CTNNA3: variants seen among roughly 807,000 people sequenced by gnomAD.
The protein encoded by CTNNA3 is catenin alpha-3.
CTNNA3 carries 76 observed loss-of-function variants against 95.7 expected under a neutral mutation model. The observed-to-expected ratio is 0.79, with a 90% CI of 0.66 to 0.96. CTNNA3 has a LOEUF of 0.96. CTNNA3 is among the 40% of genes least tolerant of loss of function. CTNNA3 has a pLI of 0.00. For synonymous variants in CTNNA3, 431 were observed against 374.4 expected (o/e 1.15, Z -1.74); for missense variants, 1,191 against 1,089.8 (o/e 1.09, Z -1.31).
chr10:67,479,913 C>T (rs544231691), intron 5 of CTNNA3, among the ~76,000 whole-genome samples: 2 of 152,194 alleles, frequency 1.3e-5, no homozygotes, highest in East Asian at 3.9e-4. Context: ...GACATTACTA[C>T]CAATCCCACA....
chr10:67,122,123 C>T (rs955128606), intron 7 of CTNNA3, among the ~76,000 whole-genome samples: 10 of 151,092 alleles, frequency 6.6e-5, no homozygotes, highest in African/African-American at 2.4e-4. Flanking sequence ...AATTAAGAGA[C>T]CAGGTAAGGG....
intron 9 of CTNNA3, among the ~76,000 whole-genome samples, chr10:66,664,373 A>T (rs563263467): frequency 2.0e-5 from 3 of 151,610 alleles, no homozygotes; most frequent in African/African-American, 7.3e-5. Flanking sequence ...TTTACCAACC[A>T]TAAAAGGAAT....
At chr10:66,491,235 A>C (rs1450579240) in intron 11 of CTNNA3, among the ~76,000 whole-genome samples, 1 of 152,190 alleles carries the variant, frequency 6.6e-6, no homozygotes, top group African/African-American at 2.4e-5. Context: ...TAGATCTTTT[A>C]GTCTCGGCCT....
chr10:66,685,534 G>A (rs1010923044), intron 9 of CTNNA3, among the ~76,000 whole-genome samples: 27 of 148,992 alleles, frequency 1.8e-4, no homozygotes, highest in African/African-American at 4.2e-4. Context: ...CACCACGCCC[G>A]GCTAACTTTT....
At chr10:67,092,300 G>A (rs75442175) in intron 7 of CTNNA3, among the ~76,000 whole-genome samples, 3 of 151,816 alleles carry the variant, frequency 2.0e-5, no homozygotes, top group Non-Finnish European at 2.9e-5. Flanking sequence ...TTCTCTCAAT[G>A]AGTAGAGATA....
chr10:67,577,323 G>A (rs1188652313), intron 3 of CTNNA3, among the ~76,000 whole-genome samples: 1 of 152,112 alleles, frequency 6.6e-6, no homozygotes, highest in Non-Finnish European at 1.5e-5. Flanking sequence ...CTGCATAAAT[G>A]TCTTCTTTTG....
intron 11 of CTNNA3, among the ~76,000 whole-genome samples, chr10:66,425,675 G>T (rs2093233618): frequency 6.7e-6 from 1 of 148,616 alleles, no homozygotes; most frequent in South Asian, 2.1e-4. Flanking sequence ...TTCATATAAA[G>T]ATATATATAT....
intron 13 of CTNNA3, among the ~76,000 whole-genome samples, chr10:66,216,339 A>C (rs879737710): frequency 1.1e-4 from 17 of 152,336 alleles, no homozygotes; most frequent in Admixed American, 8.5e-4. Context: ...TGGATCTGGC[A>C]GGTAATTGTG....
chr10:67,674,276 A>T (rs1446627042), intron 1 of CTNNA3, among the ~76,000 whole-genome samples: 2 of 152,064 alleles, frequency 1.3e-5, no homozygotes, highest in Admixed American at 1.3e-4. Flanking sequence ...AGACATCAGG[A>T]ATGTGCACAT....
At chr10:66,069,190 G>T in intron 15 of CTNNA3, 118 bp downstream of exon 15, 2 of 894,076 alleles carry the variant, frequency 2.2e-6, no homozygotes, top group Non-Finnish European at 3.6e-6. Context: ...TACTATATTT[G>T]CTTTTCCCCT....
chr10:66,831,890 C>T (rs986590010), intron 7 of CTNNA3, among the ~76,000 whole-genome samples: 1 of 152,084 alleles, frequency 6.6e-6, no homozygotes, highest in African/African-American at 2.4e-5. Context: ...ATAGTTCAAG[C>T]TTTCAAAAAC....
intron 7 of CTNNA3, among the ~76,000 whole-genome samples, chr10:66,995,392 A>C (rs1851271957): frequency 6.6e-6 from 1 of 152,048 alleles, no homozygotes; most frequent in African/African-American, 2.4e-5. Flanking sequence ...AGTCCTCATC[A>C]TCTCTTACAT....
chr10:67,575,798 C>T (rs901186415), intron 3 of CTNNA3, among the ~76,000 whole-genome samples: 8 of 152,148 alleles, frequency 5.3e-5, no homozygotes, highest in African/African-American at 1.9e-4. Context: ...AGGCTCTCAG[C>T]TACTGTTGGC....
At chr10:67,492,015 T>C (rs1848664101) in intron 5 of CTNNA3, among the ~76,000 whole-genome samples, 1 of 151,968 alleles carries the variant, frequency 6.6e-6, no homozygotes, top group Non-Finnish European at 1.5e-5. Context: ...TGAAGAGAAA[T>C]ATATGGGGTA....
rs183070444 is a variant in CTNNA3, at chr10:66,123,936, G to C, written c.1885-20687C>G. On this transcript the variant is annotated intron_variant, in intron 13 of 17. Coordinates refer to ENST00000433211, the MANE Select transcript of CTNNA3 (RefSeq NM_013266.4). ...TTTGTCCTCCTAGGCCTCCAGGCCT[G>C]TGATAGAAGGGGCTCCCATGAAGAC... Among the ~76,000 whole-genome samples the C allele has an allele frequency of 2.2e-3, 336 of 152,292 alleles. 2 individuals carry two copies. The highest frequency in any genetic ancestry group is 7.4e-3 in the African/African-American group (308 of 41,572).
At chr10:66,918,863 C>T (rs185642660) in intron 7 of CTNNA3, among the ~76,000 whole-genome samples, 208 of 152,094 alleles carry the variant, frequency 1.4e-3, no homozygotes, top group Middle Eastern at 0.01. Flanking sequence ...TGGCTGGGTG[C>T]GGTGGCTCAT....
At chr10:67,332,573 A>AT (rs926364298) in intron 5 of CTNNA3, among the ~76,000 whole-genome samples, 24 of 152,204 alleles carry the variant, frequency 1.6e-4, no homozygotes, top group African/African-American at 4.8e-4. Context: ...ATGTTGACCT[A>AT]AACAACACTT....
intron 12 of CTNNA3, among the ~76,000 whole-genome samples, chr10:66,290,586 T>C (rs1050211020): frequency 3.3e-5 from 5 of 152,146 alleles, no homozygotes; most frequent in Non-Finnish European, 5.9e-5. Flanking sequence ...TCTTTACAAA[T>C]GATGTTAAGA....
intron 5 of CTNNA3, among the ~76,000 whole-genome samples, chr10:67,350,396 A>G (rs1400836641): frequency 6.6e-6 from 1 of 152,008 alleles, no homozygotes; most frequent in East Asian, 1.9e-4. Context: ...ATTTAATGTT[A>G]ATTAGTAAAA....
Sources: gnomAD v4.1 joint callset for allele counts (sites outside exome capture counted in the v4.1 genomes callset) on GRCh38, gnomAD v4.1.1 for gene constraint, MANE v1.5 for transcripts, NCBI Gene and HGNC (gene_info 2026-07-23, HGNC 2026-07-21) for gene names.